Variants in PABPC1L observed in about 807,000 individuals in gnomAD.
PABPC1L encodes the protein poly(A) binding protein cytoplasmic 1 like.
In PABPC1L, 31 loss-of-function variants were observed where a neutral mutation model predicts 66.6. The observed-to-expected ratio is 0.47, with a 90% CI of 0.35 to 0.63. The LOEUF is 0.63. PABPC1L is among the 20% of genes least tolerant of loss of function. The pLI is 0.00. For synonymous variants in PABPC1L, 348 were observed against 335.1 expected, an observed-to-expected ratio of 1.04 and a Z score of -0.42; for missense variants, 722 against 848.8, an observed-to-expected ratio of 0.85 and a Z score of 1.86.
At chr20:44,914,990 C>T (rs919567354) in intron 2 of PABPC1L, among the ~76,000 whole-genome samples, 1 of 152,098 alleles carries the variant, frequency 6.6e-6, no homozygotes, top group South Asian at 2.1e-4. Context: ...TATGTAATGC[C>T]CTTAGCAGGT....
chr20:44,927,377 T>G (rs1191461340), intron 7 of PABPC1L, among the ~76,000 whole-genome samples: 1 of 151,874 alleles, frequency 6.6e-6, no homozygotes, highest in Non-Finnish European at 1.5e-5. Context: ...GATGGAGTTT[T>G]GCTCTTGTTG....
At chr20:44,926,502 A>G (rs1288228349) in intron 7 of PABPC1L, among the ~76,000 whole-genome samples, 3 of 150,656 alleles carry the variant, frequency 2.0e-5, no homozygotes, top group African/African-American at 7.3e-5. Flanking sequence ...TGCAATTACA[A>G]GAATGAGCCA....
At position 44,939,180 on chromosome 20, in the gene PABPC1L, G is replaced by A; in HGVS notation, c.*61G>A. On this transcript the variant is annotated 3_prime_UTR_variant, in exon 15 of 15. Coordinates refer to ENST00000217073, the MANE Select transcript of PABPC1L (RefSeq NM_001372179.1). ...AAAAGGACAGTGTTTCTGGCTCTCA[G>A]CCCTAAGGCCCTGCAAACTCTAACT... 1 of 718,024 alleles carries A rather than the reference G, an allele frequency of 1.4e-6. No individual in the cohort carries two copies. Among genetic ancestry groups the A allele is most frequent in the Non-Finnish European group, 2.6e-6 (1 of 385,202 alleles). 44.5% of individuals were successfully genotyped at this position (718,024 alleles called of 1,614,324 possible). A position where few individuals can be genotyped will look rare whatever the true frequency, so the allele number is the denominator to read the frequency against.
Position 44,916,741 on chromosome 20 carries a change from C to G in PABPC1L, c.388-15C>G. 6.2e-7 allele frequency: 1 copy of G among 1,613,516 alleles called. No individual in the cohort carries two copies. Among genetic ancestry groups the G allele is most frequent in the Non-Finnish European group, 8.5e-7 (1 of 1,179,410 alleles). On this transcript the variant is annotated splice_polypyrimidine_tract_variant and intron_variant, in intron 2 of 14. Coordinates refer to ENST00000217073, the MANE Select transcript of PABPC1L (RefSeq NM_001372179.1). ...TCTGTCAGTACTCTTCCTGTCCTTCCTCCCTGTGGCCCAGGTGGCGTGTGA... is the reference window on the plus strand; with the variant it reads ...TCTGTCAGTACTCTTCCTGTCCTTCGTCCCTGTGGCCCAGGTGGCGTGTGA...
At chr20:44,930,152 C>A (rs2066840378) in intron 7 of PABPC1L, among the ~76,000 whole-genome samples, 1 of 152,184 alleles carries the variant, frequency 6.6e-6, no homozygotes, top group Non-Finnish European at 1.5e-5. Flanking sequence ...CAGCAGGCCT[C>A]ATAGATGGGG....
At position 44,921,816 on chromosome 20, in the gene PABPC1L, G is replaced by A. The variant is rs952400673; in HGVS notation, c.876+85G>A. ...CCCTGAGTGGTGACTGTTTCTTCTA[G>A]TGATCCTACTTCTGGGCACTTGGCT... On this transcript the variant is annotated intron_variant, in intron 6 of 14. Coordinates refer to ENST00000217073, the MANE Select transcript of PABPC1L (RefSeq NM_001372179.1). 12 of 1,581,502 alleles carry A rather than the reference G, an allele frequency of 7.6e-6. No homozygotes were observed. The East Asian group carries it at 2.5e-4, about 32-fold the overall frequency.
chr20:44,929,131 A>G (rs115074429), intron 7 of PABPC1L, among the ~76,000 whole-genome samples: 1,815 of 151,818 alleles, frequency 0.012, 30 homozygotes, highest in African/African-American at 0.039. Context: ...GTGTGGTGGC[A>G]TGTACCTATA....
intron 7 of PABPC1L, among the ~76,000 whole-genome samples, chr20:44,925,746 A>G (rs1314669621): frequency 6.6e-6 from 1 of 152,256 alleles, no homozygotes; most frequent in Non-Finnish European, 1.5e-5. Flanking sequence ...GCTGTGGCAC[A>G]TGTAAATTAG....
rs772465006 is a variant in PABPC1L, at chr20:44,932,295, T to C, written c.1240-47T>C. 2.0e-6 allele frequency: 3 copies of C among 1,505,856 alleles called. No individual in the cohort carries two copies. In the East Asian group the frequency reaches 6.9e-5, roughly 35 times the overall value. The allele number at this position is 1,505,856 out of a possible 1,614,324, so 93.3% of individuals were successfully genotyped here. A position where few individuals can be genotyped will look rare whatever the true frequency, so the allele number is the denominator to read the frequency against. ...CCCTGAGGAGGTGTAGCTTCTCACC[T>C]ACCCTGCCGCCAAGCCCCTCAGTCT... is the stretch of plus-strand genomic sequence containing the variant. On this transcript the variant is annotated intron_variant, in intron 8 of 14. Transcript: ENST00000217073.
intron 2 of PABPC1L, among the ~76,000 whole-genome samples, chr20:44,915,315 C>G (rs1470837392): frequency 6.6e-6 from 1 of 152,154 alleles, no homozygotes; most frequent in African/African-American, 2.4e-5. Context: ...ACTAGCTGAG[C>G]TGAGCCTGTA....
intron 13 of PABPC1L, 94 bp downstream of exon 13, chr20:44,938,285 GC>G: frequency 6.8e-7 from 1 of 1,466,804 alleles, no homozygotes; most frequent in Non-Finnish European, 9.1e-7. Context: ...TAGCTGTTTG[GC>G]CAGATAAAGT....
At chr20:44,917,711 T>C (rs1438091652) in intron 3 of PABPC1L, among the ~76,000 whole-genome samples, 1 of 152,160 alleles carries the variant, frequency 6.6e-6, no homozygotes, top group Non-Finnish European at 1.5e-5. Context: ...CCAGCTCACA[T>C]GGTCAGGGCC....
intron 7 of PABPC1L, among the ~76,000 whole-genome samples, chr20:44,928,417 T>C (rs1410436068): frequency 6.6e-6 from 1 of 152,202 alleles, no homozygotes; most frequent in Non-Finnish European, 1.5e-5. Context: ...TTTCTTTTTC[T>C]TCATGACAAA....
rs144729904 is a variant in PABPC1L at position 44,927,947 on chromosome 20, C to A, written c.973-2513C>A. On this transcript the variant is annotated intron_variant, in intron 7 of 14. Transcript: ENST00000217073. The stretch of plus-strand genomic sequence containing the variant: ...CCAAAAATAGGCATGAGCCACCAAA[C>A]CTGGCCCTAAGAATATTTTTAAATG... Among the ~76,000 whole-genome samples the A allele has an allele frequency of 1.2e-4, 19 of 152,176 alleles. 1 individual carries two copies. The East Asian group carries it at 3.7e-3, about 29-fold the overall frequency.
intron 2 of PABPC1L, among the ~76,000 whole-genome samples, chr20:44,915,982 G>A (rs1348685216): frequency 6.7e-6 from 1 of 150,358 alleles, no homozygotes; most frequent in Non-Finnish European, 1.5e-5. Context: ...ATGTGTAGAT[G>A]CCTACTTTAG....
intron 7 of PABPC1L, among the ~76,000 whole-genome samples, chr20:44,928,167 C>A (rs751330023): frequency 1.3e-5 from 2 of 152,122 alleles, no homozygotes; most frequent in Non-Finnish European, 2.9e-5. Context: ...CTCCCAGGTT[C>A]AAGAACCTGG....
At position 44,910,249 on chromosome 20, in the gene PABPC1L, C is replaced by A. The variant is rs1484351744; in HGVS notation, c.106C>A (p.Pro36Thr). ...MLYEKFSPAG[P>T]ILSIRVCRDV... ...CTATGAGAAGTTCTCTCCCGCCGGC[C>A]CCATCCTGTCCATCCGCGTGTGCCG... Residue 36 changes from proline (P) to threonine (T), a missense_variant, in exon 1 of 15, where the codon CCC (proline) becomes ACC (threonine). By Grantham distance (38) the Pro-to-Thr change is conservative. Coordinates refer to ENST00000217073, the MANE Select transcript of PABPC1L (RefSeq NM_001372179.1). The A allele has an allele frequency of 1.3e-6, 2 of 1,564,582 alleles. No homozygotes were observed. Among genetic ancestry groups the A allele is most frequent in the African/African-American group, 1.4e-5 (1 of 73,210 alleles).
At position 44,919,236 on chromosome 20, in the gene PABPC1L, T is replaced by C; in HGVS notation, c.697T>C (p.Phe233Leu). The C allele has an allele frequency of 6.2e-7, 1 of 1,614,212 alleles. No individual in the cohort carries two copies. Among genetic ancestry groups the C allele is most frequent in the Non-Finnish European group, 8.5e-7 (1 of 1,180,044 alleles). Reference sequence around the variant, plus strand: ...GGACAACAGCGGCCACTCGCGGTGCTTTGGCTTTGTCAACTTTGAGAAGCA... The same window carrying C: ...GGACAACAGCGGCCACTCGCGGTGCCTTGGCTTTGTCAACTTTGAGAAGCA... ...MRDNSGHSRC[F>L]GFVNFEKHEE... is the part of the protein sequence containing the mutation. Residue 233 changes from phenylalanine to leucine, a missense_variant, in exon 5 of 15, where the codon TTT (phenylalanine) becomes CTT (leucine). By Grantham distance (22) the Phe-to-Leu change is conservative. Around this residue, in one of 3 missense-constraint regions of PABPC1L, gnomAD observed 137 missense variants for 216.8 expected, o/e 0.63. Coordinates refer to ENST00000217073, the MANE Select transcript of PABPC1L (RefSeq NM_001372179.1).
At chr20:44,916,706 AC>A in intron 2 of PABPC1L, 49 bp from the exon 3 acceptor site, 1 of 1,571,846 alleles carries the variant, frequency 6.4e-7, no homozygotes, top group South Asian at 1.1e-5. Context: ...ATTCCTTTCT[AC>A]CTGAACCCTC....
Sources: gnomAD v4.1 joint callset for allele counts (sites outside exome capture counted in the v4.1 genomes callset) on GRCh38, gnomAD v4.1.1 for gene constraint, gnomAD v4.1.1 regional missense constraint, MANE v1.5 for transcripts, NCBI Gene and HGNC (gene_info 2026-07-23, HGNC 2026-07-21) for gene names.